EXD3: variants seen among roughly 807,000 people sequenced by gnomAD.
EXD3 encodes exonuclease 3'-5' domain containing 3, also known as exonuclease mut-7 homolog.
A neutral mutation model predicts 98.0 loss-of-function variants in EXD3; 92 were observed. That is an observed-to-expected ratio of 0.94 (90% CI 0.79 to 1.12). The LOEUF is 1.12. EXD3 is among the 50% of genes most tolerant of loss of function. The pLI is 0.00. For synonymous variants in EXD3, 569 were observed against 526.0 expected (o/e 1.08, Z -1.12); for missense variants, 1,222 against 1,191.6 (o/e 1.03, Z -0.38).
Position 137,307,213 on chromosome 9 carries a change from G to C in EXD3, c.2368C>G (p.Arg790Gly), listed in dbSNP as rs759616156. The C allele has an allele frequency of 1.3e-6, 2 of 1,574,804 alleles. No homozygotes were observed. Among genetic ancestry groups the C allele is most frequent in the Non-Finnish European group, 1.7e-6 (2 of 1,160,236 alleles). The change falls in exon 22 of 22, where the codon CGC (arginine) becomes GGC (glycine). Residue 790 changes from arginine to glycine, a missense_variant. By Grantham distance (125) the Arg-to-Gly change is moderately radical. Transcript: ENST00000340951. ...CGCAGGTCAGCCATCTGCAGCCAGC[G>C]GCAGGGGCGGTCATAGGTGCAGCCC... is the stretch of plus-strand genomic sequence containing the variant. ...PEGCTYDRPC[R>G]WLQMADLRAE... is the part of the protein sequence containing the mutation.
intron 10 of EXD3, chr9:137,353,993 T>C: frequency 8.9e-7 from 1 of 1,117,666 alleles, no homozygotes; most frequent in Non-Finnish European, 1.1e-6. Context: ...CTGGCCTTCC[T>C]CCTTCCGGCC....
rs1478890949 is a variant in EXD3 at position 137,352,071 on chromosome 9, G to A, written c.1168C>T (p.Leu390=). 3 of 1,611,422 alleles carry A rather than the reference G, an allele frequency of 1.9e-6. No homozygotes were observed. The highest frequency in any genetic ancestry group is 2.5e-6 in the Non-Finnish European group (3 of 1,179,300). ...CCAGCGGCCGAGGGAACCACCTGCA[G>A]GAGTGCACCCTCGTGTCTGGTCAGG... ...EDLTRHEGAL[L]QCHQVVGVDV... is the part of the protein sequence containing the mutation. The change falls in exon 12 of 22, where the codon CTG becomes TTG. Residue 390 remains leucine (L), a synonymous_variant. Transcript: ENST00000340951.
chr9:137,341,716 A>T (rs1262844735), intron 17 of EXD3, among the ~76,000 whole-genome samples: 1 of 39,950 alleles, frequency 2.5e-5, no homozygotes, highest in African/African-American at 1.3e-4. Context: ...GTCAGAGGAA[A>T]CGGGGCTCAG....
At chr9:137,417,587 C>T (rs1838296995) in intron 1 of EXD3, among the ~76,000 whole-genome samples, 1 of 152,196 alleles carries the variant, frequency 6.6e-6, no homozygotes, top group South Asian at 2.1e-4. Flanking sequence ...AACGCGCGTC[C>T]GCACAAACTA....
At chr9:137,312,843 G>T (rs533682834) in intron 19 of EXD3, among the ~76,000 whole-genome samples, 1 of 152,162 alleles carries the variant, frequency 6.6e-6, no homozygotes. Context: ...AGCTGAAGGG[G>T]CCAGCGCTGG....
chr9:137,324,159 G>A lies in EXD3; in HGVS notation c.1999-16C>T, dbSNP rs779217050. The A allele has an allele frequency of 1.3e-6, 2 of 1,567,392 alleles. No homozygotes were observed. The highest frequency in any genetic ancestry group is 8.6e-7 in the Non-Finnish European group (1 of 1,156,582). On this transcript the variant is annotated splice_polypyrimidine_tract_variant and intron_variant, in intron 17 of 21. Coordinates refer to ENST00000340951, the MANE Select transcript of EXD3 (RefSeq NM_017820.5). This position sits in a 1 kb window ranked among gnomAD's most constrained non-coding sequence, Gnocchi z 4.1. ...GCCTGGCAACCTGTGTGGGAGGTGC[G>A]ACCAGCACATAAAGGGGGCAGCTCC...
Position 137,395,423 on chromosome 9 carries a change from A to T in EXD3, c.-47-19T>A. 6.2e-7 allele frequency: 1 copy of T among 1,609,030 alleles called. No individual in the cohort carries two copies. The highest frequency in any genetic ancestry group is 8.5e-7 in the Non-Finnish European group (1 of 1,177,064). On this transcript the variant is annotated intron_variant, in intron 1 of 21. Coordinates refer to ENST00000340951, the MANE Select transcript of EXD3 (RefSeq NM_017820.5). This position sits in a 1 kb window ranked among gnomAD's most constrained non-coding sequence, Gnocchi z 6.5. ...CGAGGATCTGCAGAAACAGACAATC[A>T]GGTGAATGCAGAGCCCACTGCAACA...
chr9:137,329,931 T>TACACAGGACC (rs1832897223), intron 17 of EXD3, among the ~76,000 whole-genome samples: 1 of 99,132 alleles, frequency 1.0e-5, no homozygotes, highest in Non-Finnish European at 1.9e-5. Flanking sequence ...TACACAGGAC[T>TACACAGGACC]ACACAGGACT....
intron 19 of EXD3, among the ~76,000 whole-genome samples, chr9:137,318,656 T>G (rs1831849709): frequency 6.7e-6 from 1 of 150,030 alleles, no homozygotes; most frequent in Non-Finnish European, 1.5e-5. Flanking sequence ...TGCCCTCTAC[T>G]TGAGACCCAC....
At chr9:137,365,725 AACACACACCTACAG>A in intron 7 of EXD3, 1 of 297,096 alleles carries the variant, frequency 3.4e-6, no homozygotes, top group Non-Finnish European at 6.5e-6. Flanking sequence ...CACACATACA[AACACACACCTACAG>A]GCACACACAT....
chr9:137,319,255 C>T (rs1374520663), intron 19 of EXD3, among the ~76,000 whole-genome samples: 1 of 152,228 alleles, frequency 6.6e-6, no homozygotes, highest in African/African-American at 2.4e-5. Flanking sequence ...TGGGTCATAG[C>T]CAGCCGAGCC....
At chr9:137,383,647 G>A (rs1836437200) in intron 2 of EXD3, among the ~76,000 whole-genome samples, 1 of 152,226 alleles carries the variant, frequency 6.6e-6, no homozygotes, top group Non-Finnish European at 1.5e-5. Context: ...CCTGGGAGCT[G>A]GGCCTCATCT....
At chr9:137,320,242 A>G (rs1211197350) in intron 19 of EXD3, among the ~76,000 whole-genome samples, 1 of 152,052 alleles carries the variant, frequency 6.6e-6, no homozygotes, top group African/African-American at 2.4e-5. Flanking sequence ...GCCCCCAGAC[A>G]GAGGGGCTGG....
chr9:137,328,156 A>T (rs947462188), intron 17 of EXD3, among the ~76,000 whole-genome samples: 4 of 145,296 alleles, frequency 2.8e-5, no homozygotes, highest in African/African-American at 7.6e-5. Context: ...CGACATGATG[A>T]GTAAAAACAA....
intron 1 of EXD3, among the ~76,000 whole-genome samples, chr9:137,418,270 C>T (rs1416326956): frequency 2.0e-5 from 3 of 152,160 alleles, no homozygotes; most frequent in African/African-American, 7.2e-5. Context: ...ATCGCTTGAA[C>T]CCGGGAAGCA....
chr9:137,327,796 C>T (rs1588258244), intron 17 of EXD3, among the ~76,000 whole-genome samples: 1 of 146,918 alleles, frequency 6.8e-6, no homozygotes, highest in Non-Finnish European at 1.5e-5. Flanking sequence ...AAATATACAC[C>T]CACATGATGA....
In EXD3 at chr9:137,395,010, C is replaced by A. The variant is rs894191223; in HGVS notation, c.55+293G>T. Among the ~76,000 whole-genome samples, 1 of 152,140 alleles carries A rather than the reference C, an allele frequency of 6.6e-6. No homozygotes were observed. The highest frequency in any genetic ancestry group is 1.5e-5 in the Non-Finnish European group (1 of 68,010). On this transcript the variant is annotated intron_variant, in intron 2 of 21. Coordinates refer to ENST00000340951, the MANE Select transcript of EXD3 (RefSeq NM_017820.5). The surrounding 1 kb of genome is among the most constrained non-coding windows in gnomAD (Gnocchi z 6.5). The stretch of plus-strand genomic sequence containing the variant: ...CACCTCTGCGGCCAGCCCTGAGCAG[C>A]TGCACTGTCCCCGCCACCTCCCCCG...
Position 137,360,773 on chromosome 9 carries a change from G to A in EXD3, c.657-4405C>T, listed in dbSNP as rs1272461105. Among the ~76,000 whole-genome samples, 15 of 85,698 alleles carry A rather than the reference G, an allele frequency of 1.8e-4. 5 individuals are homozygous for A. Among genetic ancestry groups the A allele is most frequent in the Non-Finnish European group, 4.3e-4 (15 of 34,944 alleles). 56.2% of individuals were successfully genotyped at this position (85,698 alleles called of 152,430 possible). A position where few individuals can be genotyped will look rare whatever the true frequency, so the allele number is the denominator to read the frequency against. On this transcript the variant is annotated intron_variant, in intron 7 of 21. Transcript: ENST00000340951. ...ACCGCACCCAGCCTTTATTCTTAGTGATTTTATATCCTATTTGAGAAAGCT... is the reference window on the plus strand; with the variant it reads ...ACCGCACCCAGCCTTTATTCTTAGTAATTTTATATCCTATTTGAGAAAGCT...
Position 137,407,500 on chromosome 9 carries a change from C to G in EXD3, c.-47-12096G>C, listed in dbSNP as rs1837783420. On this transcript the variant is annotated intron_variant, in intron 1 of 21. Coordinates refer to ENST00000340951, the MANE Select transcript of EXD3 (RefSeq NM_017820.5). The surrounding 1 kb of genome is among the most constrained non-coding windows in gnomAD (Gnocchi z 4.4). ...TGGCCGCTCTCGGGCTCTGCCCTGC[C>G]AGCCCCACAACCCAGAACCCAGCGT... Among the ~76,000 whole-genome samples, 1 of 152,218 alleles carries G rather than the reference C, an allele frequency of 6.6e-6. No homozygotes were observed. Among genetic ancestry groups the G allele is most frequent in the Admixed American group, 6.5e-5 (1 of 15,286 alleles).
Sources: gnomAD v4.1 joint callset for allele counts (sites outside exome capture counted in the v4.1 genomes callset) on GRCh38, gnomAD v4.1.1 for gene constraint, Gnocchi (gnomAD v3.1) non-coding constraint, MANE v1.5 for transcripts, NCBI Gene and HGNC (gene_info 2026-07-23, HGNC 2026-07-21) for gene names.